CSMD2: variants seen among roughly 807,000 people sequenced by gnomAD.
CSMD2 encodes the protein CUB and Sushi multiple domains 2.
Under a neutral mutation model 398.5 loss-of-function variants are expected in CSMD2, and 130 were observed. The observed-to-expected ratio is 0.33, with a 90% CI of 0.28 to 0.38. The LOEUF is 0.38. Among genes scored for constraint, CSMD2 ranks in the 10% least tolerant of loss-of-function variants. CSMD2 has a pLI of 1.00. For synonymous variants in CSMD2, 1,828 were observed against 1,908.5 expected (o/e 0.96, Z 1.10); for missense variants, 3,829 against 4,764.9 (o/e 0.80, Z 5.78).
chr1:34,078,715 A>C (rs1362056103), intron 2 of CSMD2, among the ~76,000 whole-genome samples: 1 of 152,218 alleles, frequency 6.6e-6, no homozygotes, highest in East Asian at 1.9e-4. Context: ...AAACACTGAG[A>C]CAGGAGGTGA....
chr1:33,729,451 TTC>T (rs1646648397), intron 15 of CSMD2, among the ~76,000 whole-genome samples: 1 of 149,108 alleles, frequency 6.7e-6, no homozygotes, highest in African/African-American at 2.5e-5. Flanking sequence ...GAGGGGAGGA[TTC>T]TTTTTTTTTT....
rs565417858 is a variant in CSMD2, at chr1:33,559,588, A to G, written c.8381-115T>C. ...TCAGTGAAGTTCAGCCCTAAGTCTAACTTCAATCTCTTTTGCTGTAAAACC... is the reference window on the plus strand; with the variant it reads ...TCAGTGAAGTTCAGCCCTAAGTCTAGCTTCAATCTCTTTTGCTGTAAAACC... On this transcript the variant is annotated intron_variant, in intron 53 of 70. Coordinates refer to ENST00000373381, the MANE Select transcript of CSMD2 (RefSeq NM_001281956.2). The surrounding 1 kb of genome is among the most constrained non-coding windows in gnomAD (Gnocchi z 4.0). 11 of 879,172 alleles carry G rather than the reference A, an allele frequency of 1.3e-5. No homozygotes were observed. In the South Asian group the frequency reaches 1.9e-4, roughly 15 times the overall value. The allele number at this position is 879,172 out of a possible 1,614,324, so 54.5% of individuals were successfully genotyped here.
At chr1:33,999,512 C>T (rs1646831450) in intron 3 of CSMD2, among the ~76,000 whole-genome samples, 1 of 152,124 alleles carries the variant, frequency 6.6e-6, no homozygotes, top group Admixed American at 6.5e-5. Context: ...CCTCTTGCCT[C>T]AGCCTCCTGA....
At chr1:33,643,208 G>C (rs1312990040) in intron 29 of CSMD2, among the ~76,000 whole-genome samples, 1 of 152,146 alleles carries the variant, frequency 6.6e-6, no homozygotes. Flanking sequence ...CTCCATCTAT[G>C]GTTCTCTCCA....
At chr1:34,108,471 A>C (rs570390543) in intron 1 of CSMD2, among the ~76,000 whole-genome samples, 1 of 152,298 alleles carries the variant, frequency 6.6e-6, no homozygotes, top group Admixed American at 6.5e-5. Context: ...AGCTAGCCCA[A>C]GTGAGTTGTT....
At chr1:33,592,452 G>A (rs370834761) in intron 44 of CSMD2, 10 of 716,740 alleles carry the variant, frequency 1.4e-5, no homozygotes, top group South Asian at 1.3e-4. Context: ...ATGTGTGCGT[G>A]GAGGGGTGTC....
chr1:33,673,118 CT>C (rs1308191134), intron 25 of CSMD2, among the ~76,000 whole-genome samples: 1 of 152,242 alleles, frequency 6.6e-6, no homozygotes, highest in African/African-American at 2.4e-5. Context: ...CGGAGAATGA[CT>C]TTGACGAGTT....
intron 44 of CSMD2, among the ~76,000 whole-genome samples, chr1:33,593,517 G>C (rs1639616539): frequency 6.6e-6 from 1 of 152,080 alleles, no homozygotes; most frequent in African/African-American, 2.4e-5. Context: ...GCTTGTGCAG[G>C]GAAACTCCCA....
At chr1:34,030,785 G>A (rs1018476825) in intron 3 of CSMD2, among the ~76,000 whole-genome samples, 3 of 152,170 alleles carry the variant, frequency 2.0e-5, no homozygotes, top group African/African-American at 7.2e-5. Flanking sequence ...GGCACCATGA[G>A]AGCCTAGGGC....
rs2125369836 is a variant in CSMD2 at position 33,951,398 on chromosome 1, A to G, written c.518-15444T>C. On this transcript the variant is annotated intron_variant, in intron 3 of 70. Transcript: ENST00000373381. ...TGCCCTCATTATGCTTACACTCTACAAAAGGTGCTCTTGTATTTAAAAAAC... is the reference window on the plus strand; with the variant it reads ...TGCCCTCATTATGCTTACACTCTACGAAAGGTGCTCTTGTATTTAAAAAAC... Among the ~76,000 whole-genome samples the G allele has an allele frequency of 1.3e-5, 2 of 152,272 alleles. 1 individual carries two copies. Among genetic ancestry groups the G allele is most frequent in the African/African-American group, 4.8e-5 (2 of 41,564 alleles).
At chr1:34,138,795 C>T (rs894196677) in intron 1 of CSMD2, among the ~76,000 whole-genome samples, 1 of 152,044 alleles carries the variant, frequency 6.6e-6, no homozygotes, top group Non-Finnish European at 1.5e-5. Context: ...TGCACCCTTG[C>T]CAGCATATAC....
chr1:34,063,920 C>T (rs1445221698), intron 2 of CSMD2, among the ~76,000 whole-genome samples: 2 of 152,236 alleles, frequency 1.3e-5, no homozygotes, highest in Non-Finnish European at 2.9e-5. Flanking sequence ...TTCTGCACAC[C>T]AGCAGACTCA....
intron 37 of CSMD2, among the ~76,000 whole-genome samples, chr1:33,618,801 T>C (rs1557631377): frequency 6.6e-6 from 1 of 151,958 alleles, no homozygotes; most frequent in African/African-American, 2.4e-5. Context: ...TAGGAGGCAC[T>C]GAAACATTTC....
At chr1:33,956,797 C>T (rs531485926) in intron 3 of CSMD2, among the ~76,000 whole-genome samples, 23 of 152,296 alleles carry the variant, frequency 1.5e-4, no homozygotes, top group Non-Finnish European at 2.9e-4. Flanking sequence ...CACAGCCACT[C>T]TTCACACAGC....
chr1:33,724,402 C>T (rs1168368496), intron 18 of CSMD2, 89 bp from the exon 19 acceptor site: 21 of 1,519,310 alleles, frequency 1.4e-5, no homozygotes, highest in African/African-American at 1.4e-4. Flanking sequence ...CCCCATCTCT[C>T]GAAAGCCCAA....
chr1:33,768,036 T>G (rs1650741796), intron 13 of CSMD2, among the ~76,000 whole-genome samples: 1 of 152,226 alleles, frequency 6.6e-6, no homozygotes, highest in African/African-American at 2.4e-5. Context: ...AACCTTGTTT[T>G]AATCTATAAA....
chr1:33,721,659 C>T (rs1646362820), intron 19 of CSMD2, among the ~76,000 whole-genome samples: 1 of 152,182 alleles, frequency 6.6e-6, no homozygotes, highest in Non-Finnish European at 1.5e-5. Context: ...AATCCTGGGC[C>T]TCACCCTGAC....
intron 10 of CSMD2, among the ~76,000 whole-genome samples, chr1:33,797,017 T>C (rs1236035965): frequency 1.3e-5 from 2 of 152,186 alleles, no homozygotes; most frequent in Non-Finnish European, 2.9e-5. Flanking sequence ...TCAGACCGGT[T>C]CTCTGCTCTC....
At chr1:34,070,091 T>C (rs1053943341) in intron 2 of CSMD2, among the ~76,000 whole-genome samples, 4 of 152,146 alleles carry the variant, frequency 2.6e-5, no homozygotes, top group Non-Finnish European at 5.9e-5. Context: ...TTAAAGAAAA[T>C]CTTTACTCTT....
Sources: allele counts gnomAD v4.1 joint callset (sites outside exome capture counted in the v4.1 genomes callset), GRCh38; gene constraint gnomAD v4.1.1; non-coding constraint Gnocchi (gnomAD v3.1); transcripts MANE v1.5; gene names NCBI Gene and HGNC (gene_info 2026-07-23, HGNC 2026-07-21).